VCL: variants seen among roughly 807,000 people sequenced by gnomAD.
VCL encodes the protein vinculin, also known as epididymis luminal protein 114.
A neutral mutation model predicts 125.7 loss-of-function variants in VCL; 47 were observed. The observed-to-expected ratio is 0.37, with a 90% confidence interval of 0.30 to 0.48. The LOEUF (loss-of-function observed/expected upper bound fraction) is 0.48, where lower values mean the gene tolerates loss of function less well. VCL is among the 20% of genes least tolerant of loss of function. The pLI is 0.99. For synonymous variants in VCL, 458 were observed against 514.6 expected, an observed-to-expected ratio of 0.89 and a Z score of 1.49; for missense variants, 1,069 against 1,455.5, an observed-to-expected ratio of 0.73 and a Z score of 4.32.
At chr10:74,037,739 T>C (rs1202890760) in intron 1 of VCL, among the ~76,000 whole-genome samples, 1 of 152,224 alleles carries the variant, frequency 6.6e-6, no homozygotes, top group Non-Finnish European at 1.5e-5. Flanking sequence ...GGGCAGCTTC[T>C]CCTTTCCAGG....
chr10:74,026,380 C>T (rs1840773065), intron 1 of VCL, among the ~76,000 whole-genome samples: 1 of 152,178 alleles, frequency 6.6e-6, no homozygotes, highest in Admixed American at 6.6e-5. Flanking sequence ...TAATTTCTTT[C>T]TAGCTTCTGC....
chr10:74,008,816 G>A (rs1020638656), intron 1 of VCL, among the ~76,000 whole-genome samples: 7 of 152,204 alleles, frequency 4.6e-5, no homozygotes, highest in Admixed American at 1.3e-4. Context: ...TTTCTTTCTA[G>A]AATATGCTGT....
At chr10:74,021,153 T>C (rs1565635883) in intron 1 of VCL, among the ~76,000 whole-genome samples, 1 of 152,112 alleles carries the variant, frequency 6.6e-6, no homozygotes, top group Non-Finnish European at 1.5e-5. Flanking sequence ...AGTGCAGATG[T>C]CACTCTCTTC....
At chr10:74,098,302 C>T (rs185250194) in intron 13 of VCL, among the ~76,000 whole-genome samples, 1 of 152,322 alleles carries the variant, frequency 6.6e-6, no homozygotes, top group African/African-American at 2.4e-5. Context: ...ACACCACCAC[C>T]CCAACTACTA....
intron 9 of VCL, among the ~76,000 whole-genome samples, chr10:74,089,551 A>G (rs970868059): frequency 2.0e-5 from 3 of 152,242 alleles, no homozygotes; most frequent in Admixed American, 6.5e-5. Flanking sequence ...TATATTTTGA[A>G]ATAAAGATCT....
chr10:74,090,943 G>A (rs1244984359), intron 10 of VCL, among the ~76,000 whole-genome samples: 1 of 152,022 alleles, frequency 6.6e-6, no homozygotes, highest in Non-Finnish European at 1.5e-5. Flanking sequence ...TGGGACTACA[G>A]GCACGTGCCA....
chr10:74,027,362 C>A (rs995817935), intron 1 of VCL, among the ~76,000 whole-genome samples: 1 of 150,876 alleles, frequency 6.6e-6, no homozygotes, highest in Non-Finnish European at 1.5e-5. Flanking sequence ...TAGTCACCCT[C>A]ATATAGTCAT....
At chr10:74,077,453 T>C (rs1839607787) in intron 6 of VCL, 1 of 181,122 alleles carries the variant, frequency 5.5e-6, no homozygotes, top group African/African-American at 2.4e-5. Context: ...GTTATCAAAA[T>C]AGAAAAAAAT....
chr10:74,092,853 G>C (rs1476822031), intron 10 of VCL, among the ~76,000 whole-genome samples: 4 of 152,134 alleles, frequency 2.6e-5, no homozygotes, highest in Non-Finnish European at 5.9e-5. Flanking sequence ...GATCTCCAGT[G>C]ACTTTTATCC....
intron 1 of VCL, among the ~76,000 whole-genome samples, chr10:74,003,345 G>A (rs187618171): frequency 5.3e-4 from 81 of 152,308 alleles, no homozygotes; most frequent in Non-Finnish European, 6.5e-4. Flanking sequence ...AAGGGCACAA[G>A]AAATTCTAAG....
At chr10:74,054,738 T>C (rs1232955455) in intron 2 of VCL, among the ~76,000 whole-genome samples, 2 of 151,962 alleles carry the variant, frequency 1.3e-5, no homozygotes, top group African/African-American at 2.4e-5. Flanking sequence ...GTAGCCAACA[T>C]GGTGAAATCC....
Position 74,108,971 on chromosome 10 carries a change from C to T in VCL, c.2560C>T (p.Leu854=), listed in dbSNP as rs551463686. 99 of 1,614,072 alleles carry T rather than the reference C, an allele frequency of 6.1e-5. 1 individual carries two copies. The South Asian group carries it at 1.1e-3, about 17-fold the overall frequency. ...TTACAACTTGTTTTCTCTTTTTTAG[C>T]TAACAGATGAGCTTGCTCCTCCCAA... ...PPPPDLEQLR[L]TDELAPPKPP... Residue 854 remains leucine, a splice_region_variant and synonymous_variant, in exon 18 of 22, where the codon CTA becomes TTA. Transcript: ENST00000211998.
intron 10 of VCL, among the ~76,000 whole-genome samples, chr10:74,092,057 C>T (rs113584681): frequency 0.062 from 9,438 of 151,806 alleles, 928 homozygotes; most frequent in African/African-American, 0.21. Context: ...TACAGGCGCA[C>T]ACCACCACGC....
intron 8 of VCL, among the ~76,000 whole-genome samples, chr10:74,085,657 T>A (rs1839757640): frequency 6.6e-6 from 1 of 152,044 alleles, no homozygotes; most frequent in African/African-American, 2.4e-5. Context: ...TCTAAAAGAT[T>A]TTTATAGAAT....
At position 74,111,986 on chromosome 10, in the gene VCL, C is replaced by G. The variant is rs747647927; in HGVS notation, c.2823C>G (p.Val941=). The G allele has an allele frequency of 6.2e-6, 10 of 1,611,864 alleles. No homozygotes were observed. In the Middle Eastern group the frequency reaches 5.0e-4, roughly 80 times the overall value. ...ADAADAAGFP[V]PPDMEDDYEP... ...CGGCCGATGCTGCTGGCTTCCCTGT[C>G]CCCCCTGACATGGAAGACGATTACG... The change falls in exon 19 of 22, where the codon GTC becomes GTG. Residue 941 remains valine (V), a synonymous_variant. Coordinates refer to ENST00000211998, the MANE Select transcript of VCL (RefSeq NM_014000.3).
At chr10:74,102,056 AG>A (rs1840066584) in intron 14 of VCL, among the ~76,000 whole-genome samples, 1 of 151,564 alleles carries the variant, frequency 6.6e-6, no homozygotes, top group Non-Finnish European at 1.5e-5. Flanking sequence ...TAGTAGAGAC[AG>A]GGTTTCTCCA....
At chr10:74,058,943 A>G (rs1266266186) in intron 2 of VCL, among the ~76,000 whole-genome samples, 2 of 151,716 alleles carry the variant, frequency 1.3e-5, no homozygotes, top group Admixed American at 6.6e-5. Flanking sequence ...GAGAGAGAGA[A>G]AGAGATCTAC....
intron 1 of VCL, among the ~76,000 whole-genome samples, chr10:74,023,746 G>A (rs1276350018): frequency 2.6e-5 from 4 of 152,190 alleles, no homozygotes; most frequent in Admixed American, 2.6e-4. Flanking sequence ...TAGACCAAAG[G>A]CTGTGTCTAA....
Position 74,057,492 on chromosome 10 carries a change from C to T in VCL, c.240-13178C>T, listed in dbSNP as rs193093904. Among the ~76,000 whole-genome samples the T allele has an allele frequency of 7.8e-4, 119 of 152,136 alleles. 1 individual carries two copies. Among genetic ancestry groups the T allele is most frequent in the South Asian group, 1.9e-3 (9 of 4,814 alleles). Reference sequence around the variant, plus strand: ...TGTCTGAAGGTAGGTTCTTAATATGCGGGAAGGCAGAGAGAGCTTGAGGGC... The same window carrying T: ...TGTCTGAAGGTAGGTTCTTAATATGTGGGAAGGCAGAGAGAGCTTGAGGGC... On this transcript the variant is annotated intron_variant, in intron 2 of 21. Transcript: ENST00000211998.
Sources: allele counts gnomAD v4.1 joint callset (sites outside exome capture counted in the v4.1 genomes callset), GRCh38; gene constraint gnomAD v4.1.1; transcripts MANE v1.5; gene names NCBI Gene and HGNC (gene_info 2026-07-23, HGNC 2026-07-21).